Variants in LYRM4 observed in about 807,000 individuals in gnomAD.
LYRM4 encodes LYR motif-containing protein 4.
LYRM4 carries 9 observed loss-of-function variants against 11.7 expected under a neutral mutation model. That is an observed-to-expected ratio of 0.77 (90% CI 0.46 to 1.34). LYRM4 has a LOEUF of 1.34. Ranked by LOEUF, LYRM4 falls within the 40% of genes most tolerant of loss-of-function variation. LYRM4 has a pLI of 0.00. For missense variants in LYRM4, 133 were observed against 112.5 expected (o/e 1.18, Z -0.82); for synonymous variants, 42 against 40.4 (o/e 1.04, Z -0.15).
chr6:5,185,926 G>C (rs1760363632), intron 2 of LYRM4, among the ~76,000 whole-genome samples: 1 of 152,142 alleles, frequency 6.6e-6, no homozygotes, highest in Non-Finnish European at 1.5e-5. Context: ...CAGCAGAAGG[G>C]GAGGCAGGAG....
At chr6:5,056,589 C>T in the LYRM4 span, among the ~76,000 whole-genome samples, 1 of 152,188 alleles carries the variant, frequency 6.6e-6, no homozygotes, top group Non-Finnish European at 1.5e-5. Context: ...GGCAGCTTTT[C>T]TTATCCAATA....
the LYRM4 span, among the ~76,000 whole-genome samples, chr6:5,083,289 C>G: frequency 6.6e-6 from 1 of 152,218 alleles, no homozygotes; most frequent in African/African-American, 2.4e-5. Flanking sequence ...TTGTATTTAA[C>G]TCCATAATGT....
At chr6:5,260,505 C>T (rs1181025719) in intron 1 of LYRM4, 143 bp downstream of exon 1, 6 of 1,150,876 alleles carry the variant, frequency 5.2e-6, no homozygotes, top group African/African-American at 1.6e-5. Flanking sequence ...GCACGCTTTT[C>T]GATGGCGGAG....
Position 5,247,891 on chromosome 6 carries a change from T to C in LYRM4, c.86+12757A>G, listed in dbSNP as rs555086276. 6.7e-4 allele frequency among the ~76,000 whole-genome samples: 102 copies of C among 152,346 alleles called. 1 individual carries two copies. The highest frequency in any genetic ancestry group is 2.4e-3 in the African/African-American group (99 of 41,582). ...CAGTTATAGTTATTTACTATAGTTA[T>C]AATTAATCGGCAAATTATTAACATT... is the stretch of plus-strand genomic sequence containing the variant. On this transcript the variant is annotated intron_variant, in intron 1 of 2. Transcript: ENST00000330636.
In LYRM4 at chr6:5,256,660, T is replaced by C. The variant is rs1037852009; in HGVS notation, c.86+3988A>G. Among the ~76,000 whole-genome samples the C allele has an allele frequency of 6.5e-4, 98 of 151,832 alleles. 1 individual carries two copies. Among genetic ancestry groups the C allele is most frequent in the Non-Finnish European group, 2.1e-4 (14 of 67,970 alleles). On this transcript the variant is annotated intron_variant, in intron 1 of 2. Coordinates refer to ENST00000330636, the MANE Select transcript of LYRM4 (RefSeq NM_020408.6). ...GTGACTTGCGTGGGGTCACACAGAG[T>C]TGGTGGTGCTGACTACTGCAGTGCT...
the LYRM4 span, among the ~76,000 whole-genome samples, chr6:5,073,522 A>C: frequency 6.8e-6 from 1 of 148,012 alleles, no homozygotes; most frequent in African/African-American, 2.5e-5. Context: ...CTATATATCT[A>C]TATGTATATC....
At chr6:5,154,631 A>C (rs1758286233) in intron 2 of LYRM4, among the ~76,000 whole-genome samples, 2 of 152,268 alleles carry the variant, frequency 1.3e-5, no homozygotes, top group African/African-American at 4.8e-5. Flanking sequence ...CCTGACGAAC[A>C]CTGTGAAACC....
At chr6:5,063,515 C>T in the LYRM4 span, among the ~76,000 whole-genome samples, 1 of 152,180 alleles carries the variant, frequency 6.6e-6, no homozygotes, top group African/African-American at 2.4e-5. Flanking sequence ...ACGCTACTTA[C>T]ACCCTTGTGT....
chr6:5,080,864 C>T, the LYRM4 span, among the ~76,000 whole-genome samples: 1 of 152,126 alleles, frequency 6.6e-6, no homozygotes, highest in Non-Finnish European at 1.5e-5. Flanking sequence ...GACTCCAGAC[C>T]TGGTGATCAG....
chr6:5,233,413 C>T (rs1021049945), intron 1 of LYRM4, among the ~76,000 whole-genome samples: 1 of 152,188 alleles, frequency 6.6e-6, no homozygotes, highest in East Asian at 1.9e-4. Flanking sequence ...AATATTAAAG[C>T]AGTGGAGAAG....
At chr6:5,207,053 T>C (rs187963158) in intron 2 of LYRM4, among the ~76,000 whole-genome samples, 1 of 152,290 alleles carries the variant, frequency 6.6e-6, no homozygotes, top group East Asian at 1.9e-4. Flanking sequence ...ACAGAGTCAA[T>C]ACCACGACCA....
rs1037966664 is a variant in LYRM4, at chr6:5,239,985, C to T, written c.86+20663G>A. On this transcript the variant is annotated intron_variant, in intron 1 of 2. Transcript: ENST00000330636. The stretch of plus-strand genomic sequence containing the variant: ...CCCCCGGCAGGGATGCTCATGCTGC[C>T]TGCCGCAGCCAATCAGGTGGAACCC... Among the ~76,000 whole-genome samples, 6 of 152,194 alleles carry T rather than the reference C, an allele frequency of 3.9e-5. No individual in the cohort carries two copies. In the South Asian group the frequency reaches 1.0e-3, roughly 26 times the overall value.
chr6:5,095,293 C>T, the LYRM4 span, among the ~76,000 whole-genome samples: 1 of 152,092 alleles, frequency 6.6e-6, no homozygotes, highest in African/African-American at 2.4e-5. Context: ...CTTAGACAAA[C>T]TAAATTTAAC....
At chr6:5,232,570 C>G (rs2127744231) in intron 1 of LYRM4, among the ~76,000 whole-genome samples, 1 of 152,312 alleles carries the variant, frequency 6.6e-6, no homozygotes, top group South Asian at 2.1e-4. Context: ...AATTTGGTAT[C>G]TTCTAATTGC....
chr6:5,051,973 G>A, the LYRM4 span, among the ~76,000 whole-genome samples: 797 of 152,140 alleles, frequency 5.2e-3, 5 homozygotes, highest in Middle Eastern at 0.01. Context: ...TGACTGTGTG[G>A]GTATTAATCT....
At chr6:5,098,315 G>A in the LYRM4 span, among the ~76,000 whole-genome samples, 2 of 152,204 alleles carry the variant, frequency 1.3e-5, no homozygotes, top group Non-Finnish European at 2.9e-5. Context: ...CAGCAGGCAC[G>A]TGGCTCTGCT....
At chr6:5,099,283 A>G (rs1161902644), downstream of LYRM4, among the ~76,000 whole-genome samples, 2 of 150,832 alleles carry the variant, frequency 1.3e-5, no homozygotes, top group Non-Finnish European at 3.0e-5. The surrounding 1 kb of genome is among the most constrained non-coding windows in gnomAD (Gnocchi z 4.3). Context: ...GCTCACTGCA[A>G]CCTCCACCTC....
the LYRM4 span, among the ~76,000 whole-genome samples, chr6:5,084,394 C>T: frequency 6.6e-6 from 1 of 152,134 alleles, no homozygotes. Context: ...CCCCCACTCC[C>T]GGTGGGCGGG....
chr6:5,256,377 C>G (rs1258731755), intron 1 of LYRM4, among the ~76,000 whole-genome samples: 1 of 151,434 alleles, frequency 6.6e-6, no homozygotes. Flanking sequence ...GTAATCCCAG[C>G]TACTCGGGAG....
Sources: gnomAD v4.1 joint callset for allele counts (sites outside exome capture counted in the v4.1 genomes callset) on GRCh38, gnomAD v4.1.1 for gene constraint, Gnocchi (gnomAD v3.1) non-coding constraint, MANE v1.5 for transcripts, NCBI Gene and HGNC (gene_info 2026-07-23, HGNC 2026-07-21) for gene names.